TAPBP: variants seen among roughly 807,000 people sequenced by gnomAD.
TAPBP encodes TAP binding protein, also known as tapasin.
A neutral mutation model predicts 45.7 loss-of-function variants in TAPBP; 38 were observed. The ratio of observed to expected loss-of-function variants is 0.83; its 90% CI spans 0.64 to 1.09. TAPBP has a LOEUF of 1.09. TAPBP is among the 50% of genes least tolerant of loss of function. The pLI is 0.00. For missense variants in TAPBP, 513 were observed against 587.3 expected, an observed-to-expected ratio of 0.87 and a Z score of 1.31; for synonymous variants, 226 against 254.8, an observed-to-expected ratio of 0.89 and a Z score of 1.08.
At position 33,304,627 on chromosome 6, in the gene TAPBP, C is replaced by A. The variant is rs776814506; in HGVS notation, c.880G>T (p.Val294Leu). 3.8e-6 allele frequency: 6 copies of A among 1,573,716 alleles called. No homozygotes were observed. In the South Asian group the frequency reaches 6.7e-5, roughly 18 times the overall value. ...GCAAGGGTTGCTGGCATCAGGGACA[C>A]TTTGGGGGGTTCTGGGGAAAGAGGA... ...LELAVYKPPKVSLMPATLARA... is the reference protein window; with the variant it reads ...LELAVYKPPKLSLMPATLARA... Residue 294 changes from valine (V) to leucine (L), a missense_variant, in exon 5 of 8, where the codon GTG becomes TTG. Physicochemically the swap from Val to Leu is conservative, Grantham distance 32 (BLOSUM62 1). Coordinates refer to ENST00000434618, the MANE Select transcript of TAPBP (RefSeq NM_003190.5).
At chr6:33,312,000 T>C (rs1243757503) in intron 3 of TAPBP, among the ~76,000 whole-genome samples, 1 of 152,232 alleles carries the variant, frequency 6.6e-6, no homozygotes, top group Non-Finnish European at 1.5e-5. Context: ...AAAAAGTATT[T>C]ATTGAATCAA....
In TAPBP at chr6:33,313,635, G is replaced by A. The variant is rs1769538086; in HGVS notation, c.208+59C>T. On this transcript the variant is annotated intron_variant, in intron 2 of 7. Transcript: ENST00000434618. The surrounding 1 kb of genome is among the most constrained non-coding windows in gnomAD (Gnocchi z 7.2). Reference sequence around the variant, plus strand: ...CTGAGGTCACTGCCGGATCTAAAGAGGAGGGGGTTTCGGTGGAGGCGACAG... The same window carrying A: ...CTGAGGTCACTGCCGGATCTAAAGAAGAGGGGGTTTCGGTGGAGGCGACAG... 1 of 1,577,054 alleles carries A rather than the reference G, an allele frequency of 6.3e-7. No homozygotes were observed.
At chr6:33,312,462 G>C (rs923587095) in intron 3 of TAPBP, among the ~76,000 whole-genome samples, 3 of 152,198 alleles carry the variant, frequency 2.0e-5, no homozygotes. Flanking sequence ...GCTGCCAGGA[G>C]GGAGAGCTCC....
chr6:33,310,365 GC>G (rs1270696706), intron 3 of TAPBP, among the ~76,000 whole-genome samples: 1 of 151,558 alleles, frequency 6.6e-6, no homozygotes, highest in Non-Finnish European at 1.5e-5. Flanking sequence ...AATTAGCTGG[GC>G]CTGGTGGTGG....
Position 33,304,322 on chromosome 6 carries a change from G to C in TAPBP, c.1185C>G (p.Ser395Arg). ...CTGCTACCTCCAGGGTGACCTCAGC[G>C]CTGCGCCCCGAGGCAGGCAGGCTGG... is the stretch of plus-strand genomic sequence containing the variant. ...HHPSLPASGR[S>R]AEVTLEVAGL... Residue 395 changes from serine to arginine, a missense_variant, in exon 5 of 8, where the codon AGC becomes AGG. Coordinates refer to ENST00000434618, the MANE Select transcript of TAPBP (RefSeq NM_003190.5). The C allele has an allele frequency of 2.5e-6, 4 of 1,605,982 alleles. No homozygotes were observed. Among genetic ancestry groups the C allele is most frequent in the Non-Finnish European group, 3.4e-6 (4 of 1,175,000 alleles).
At chr6:33,307,616 G>A (rs1769065753) in intron 3 of TAPBP, among the ~76,000 whole-genome samples, 1 of 151,902 alleles carries the variant, frequency 6.6e-6, no homozygotes, top group South Asian at 2.1e-4. Flanking sequence ...TGCCCAGGCT[G>A]GTCTTGAACT....
In TAPBP at chr6:33,313,453, G is replaced by T. The variant is rs752431032; in HGVS notation, c.233C>A (p.Ala78Asp). The T allele has an allele frequency of 6.3e-7, 1 of 1,585,894 alleles. No individual in the cohort carries two copies. Among genetic ancestry groups the T allele is most frequent in the South Asian group, 1.1e-5 (1 of 88,952 alleles). ...GGCGCCCCGGGGATACCGCCTGAAG[G>T]CAGCCTGGAGGGCGCCCGCGGGGTC... ...VHDPAGALQA[A>D]FRRYPRGAPA... The change falls in exon 3 of 8, where the codon GCC becomes GAC. Residue 78 changes from alanine to aspartate, a missense_variant. Physicochemically the swap from Ala to Asp is moderately radical, Grantham distance 126. Transcript: ENST00000434618. This position sits in a 1 kb window ranked among gnomAD's most constrained non-coding sequence, Gnocchi z 7.2.
intron 3 of TAPBP, among the ~76,000 whole-genome samples, chr6:33,306,559 G>A (rs548070618): frequency 1.3e-5 from 2 of 152,262 alleles, no homozygotes; most frequent in African/African-American, 4.8e-5. Context: ...ATCAATGTAC[G>A]TTTAGACAAT....
Position 33,300,397 on chromosome 6 carries a change from C to T in TAPBP, c.*1363G>A, listed in dbSNP as rs1387055581. ...TGTTTCGCCGCCGGGCGCGGTGGCT[C>T]ACGCCTGTAATCCCAGCACTTTGGG... On this transcript the variant is annotated 3_prime_UTR_variant, in exon 8 of 8. Transcript: ENST00000434618. The T allele has an allele frequency of 6.6e-6, 1 of 152,398 alleles. No homozygotes were observed. Among genetic ancestry groups the T allele is most frequent in the Non-Finnish European group, 1.5e-5 (1 of 68,114 alleles). 9.4% of individuals were successfully genotyped at this position (152,398 alleles called of 1,614,324 possible).
chr6:33,313,110 G>T lies in TAPBP; in HGVS notation c.469+107C>A. 7.4e-7 allele frequency: 1 copy of T among 1,360,002 alleles called. No homozygotes were observed. Among genetic ancestry groups the T allele is most frequent in the Non-Finnish European group, 1.0e-6 (1 of 999,122 alleles). The allele number at this position is 1,360,002 out of a possible 1,614,324, so 84.2% of individuals were successfully genotyped here. On this transcript the variant is annotated intron_variant, in intron 3 of 7. Transcript: ENST00000434618. The surrounding 1 kb of genome is among the most constrained non-coding windows in gnomAD (Gnocchi z 7.2). ...CCTCTCTTAACAAAAAAAGGAAACT[G>T]AACCCCGATTGGCGAAATGTCTTGC...
In TAPBP at chr6:33,305,514, T is replaced by C; in HGVS notation, c.470-127A>G. 1 of 1,052,294 alleles carries C rather than the reference T, an allele frequency of 9.5e-7. No individual in the cohort carries two copies. The highest frequency in any genetic ancestry group is 1.6e-5 in the African/African-American group (1 of 62,074). 65.2% of individuals were successfully genotyped at this position (1,052,294 alleles called of 1,614,324 possible). ...TTTACCCACCCCTCAGAGGACACCTTTTCTGATACTCACCATTTCCTAGCC... is the reference window on the plus strand; with the variant it reads ...TTTACCCACCCCTCAGAGGACACCTCTTCTGATACTCACCATTTCCTAGCC... On this transcript the variant is annotated intron_variant, in intron 3 of 7. Coordinates refer to ENST00000434618, the MANE Select transcript of TAPBP (RefSeq NM_003190.5). The surrounding 1 kb of genome is among the most constrained non-coding windows in gnomAD (Gnocchi z 4.4).
chr6:33,304,809 A>G (rs1768852000), intron 4 of TAPBP, 171 bp from the exon 5 acceptor site: 1 of 1,260,124 alleles, frequency 7.9e-7, no homozygotes, highest in Non-Finnish European at 1.1e-6. Context: ...ACCCATGTCA[A>G]AGCCCCTCAA....
intron 3 of TAPBP, among the ~76,000 whole-genome samples, chr6:33,312,538 T>G (rs1011434733): frequency 4.6e-5 from 7 of 152,188 alleles, no homozygotes; most frequent in Admixed American, 1.3e-4. Flanking sequence ...CGTCCCAGCC[T>G]AGAAAAGCTT....
chr6:33,310,137 C>T (rs1201171621), intron 3 of TAPBP, among the ~76,000 whole-genome samples: 2 of 151,964 alleles, frequency 1.3e-5, no homozygotes, highest in Non-Finnish European at 2.9e-5. Flanking sequence ...GAAGTACAGG[C>T]GTGAGTCACC....
Position 33,305,380 on chromosome 6 carries a change from C to G in TAPBP, c.477G>C (p.Leu159=). The G allele has an allele frequency of 6.6e-7, 1 of 1,518,678 alleles. No homozygotes were observed. The allele number at this position is 1,518,678 out of a possible 1,614,324, so 94.1% of individuals were successfully genotyped here. Residue 159 remains leucine (L), a synonymous_variant, in exon 4 of 8, where the codon CTG becomes CTC. Coordinates refer to ENST00000434618, the MANE Select transcript of TAPBP (RefSeq NM_003190.5). The surrounding 1 kb of genome is among the most constrained non-coding windows in gnomAD (Gnocchi z 4.4). ...GGGCAGGGGTGTGGGTGAGGACAGT[C>G]AGTACCACTGAGGAAGACAGGGAGA... is the stretch of plus-strand genomic sequence containing the variant. ...PVLITMATVV[L]TVLTHTPAPR... is the part of the protein sequence containing the mutation.
rs1424989999 is a variant in TAPBP at position 33,313,778 on chromosome 6, G to C, written c.124C>G (p.Pro42Ala). The part of the protein sequence containing the change: ...DASGKGLAKR[P>A]GALLLRQGPG... ...CCCTGGCGCAACAGCAGTGCACCGGGTCTCTTGGCCAGGCCCTTTCCGCTC... is the reference window on the plus strand; with the variant it reads ...CCCTGGCGCAACAGCAGTGCACCGGCTCTCTTGGCCAGGCCCTTTCCGCTC... Residue 42 changes from proline to alanine, a missense_variant, in exon 2 of 8, where the codon CCC becomes GCC. Coordinates refer to ENST00000434618, the MANE Select transcript of TAPBP (RefSeq NM_003190.5). This position sits in a 1 kb window ranked among gnomAD's most constrained non-coding sequence, Gnocchi z 7.2. The C allele has an allele frequency of 1.2e-6, 2 of 1,613,788 alleles. No individual in the cohort carries two copies. Among genetic ancestry groups the C allele is most frequent in the African/African-American group, 1.3e-5 (1 of 75,048 alleles).
At position 33,304,450 on chromosome 6, in the gene TAPBP, G is replaced by A. The variant is rs529085934; in HGVS notation, c.1057C>T (p.Arg353Cys). 15 of 1,611,340 alleles carry A rather than the reference G, an allele frequency of 9.3e-6. No homozygotes were observed. The highest frequency in any genetic ancestry group is 5.5e-5 in the South Asian group (5 of 90,834). ...CTGACAGAGCCATCGGAATGGTGGC[G>A]CAGGGCCGAGAGCCACCTCTGCCCC... ...AEGQRWLSAL[R>C]HHSDGSVSLS... The change falls in exon 5 of 8, where the codon CGC becomes TGC. Residue 353 changes from arginine to cysteine, a missense_variant. Transcript: ENST00000434618.
At chr6:33,308,870 A>T (rs541098682) in intron 3 of TAPBP, among the ~76,000 whole-genome samples, 3 of 152,260 alleles carry the variant, frequency 2.0e-5, no homozygotes, top group Admixed American at 2.0e-4. Context: ...CATGTACATG[A>T]AGGTCACTTT....
chr6:33,304,872 T>C lies in TAPBP; in HGVS notation c.868+117A>G. On this transcript the variant is annotated intron_variant, in intron 4 of 7. Transcript: ENST00000434618. ...TACCCCTCTAACTCCCAGGAACCTC[T>C]TTCTATCTCTACTTACTTGCCCAGG... The C allele has an allele frequency of 8.1e-6, 12 of 1,483,300 alleles. 1 individual carries two copies. Among genetic ancestry groups the C allele is most frequent in the East Asian group, 2.3e-5 (1 of 43,928 alleles). 91.9% of individuals were successfully genotyped at this position (1,483,300 alleles called of 1,614,324 possible).
Sources: gnomAD v4.1 joint callset for allele counts (sites outside exome capture counted in the v4.1 genomes callset) on GRCh38, gnomAD v4.1.1 for gene constraint, Gnocchi (gnomAD v3.1) non-coding constraint, MANE v1.5 for transcripts, NCBI Gene and HGNC (gene_info 2026-07-23, HGNC 2026-07-21) for gene names.